The following LDLRAD4 variants were observed in gnomAD, a reference collection of about 807,000 sequenced individuals.
LDLRAD4 encodes low density lipoprotein receptor class A domain containing 4, also known as low-density lipoprotein receptor class A domain-containing protein 4.
LDLRAD4 carries 5 observed loss-of-function variants against 17.0 expected under a neutral mutation model. The observed-to-expected ratio is 0.29, with a 90% CI of 0.15 to 0.62. The LOEUF (loss-of-function observed/expected upper bound fraction) is 0.62, where lower values mean the gene tolerates loss of function less well. LDLRAD4 is among the 20% of genes least tolerant of loss of function. LDLRAD4 has a pLI of 0.84. For synonymous variants in LDLRAD4, 168 were observed against 171.8 expected (o/e 0.98, Z 0.17); for missense variants, 340 against 424.7 (o/e 0.80, Z 1.75).
At chr18:13,389,591 G>A (rs1287184335) in intron 2 of LDLRAD4, among the ~76,000 whole-genome samples, 1 of 152,202 alleles carries the variant, frequency 6.6e-6, no homozygotes, top group African/African-American at 2.4e-5. Flanking sequence ...GAGGAAAAGT[G>A]GCACACTCTT....
exon 6 of LDLRAD4, chr18:13,646,450 A>G (rs1331827453): frequency 6.6e-6 from 1 of 152,298 alleles, no homozygotes; most frequent in Non-Finnish European, 1.5e-5. Flanking sequence ...GTTTGCATCA[A>G]ATAGCAGTGC....
At chr18:13,344,700 C>T (rs1186708189) in intron 1 of LDLRAD4, among the ~76,000 whole-genome samples, 1 of 152,188 alleles carries the variant, frequency 6.6e-6, no homozygotes. Flanking sequence ...GATATTGATT[C>T]TTCTTACCCA....
At chr18:13,559,810 A>G (rs2094521801) in intron 3 of LDLRAD4, among the ~76,000 whole-genome samples, 1 of 152,182 alleles carries the variant, frequency 6.6e-6, no homozygotes, top group Non-Finnish European at 1.5e-5. Flanking sequence ...TCAGTTGCCC[A>G]TGGAGGAGTT....
At chr18:13,360,116 A>C (rs970061988) in intron 1 of LDLRAD4, among the ~76,000 whole-genome samples, 2 of 152,208 alleles carry the variant, frequency 1.3e-5, no homozygotes, top group African/African-American at 4.8e-5. Context: ...GAGTCTCCTG[A>C]GCGAGGGGCA....
intron 3 of LDLRAD4, among the ~76,000 whole-genome samples, chr18:13,546,137 G>A (rs941818442): frequency 1.3e-5 from 2 of 152,124 alleles, no homozygotes; most frequent in Admixed American, 1.3e-4. Context: ...GTCAACAACA[G>A]TTGAGGCAGG....
chr18:13,325,477 T>A (rs569968520), intron 1 of LDLRAD4, among the ~76,000 whole-genome samples: 1 of 152,120 alleles, frequency 6.6e-6, no homozygotes, highest in South Asian at 2.1e-4. Context: ...CACACACACC[T>A]CCCCTCGCTG....
At chr18:13,605,967 G>A (rs1302305207) in intron 3 of LDLRAD4, among the ~76,000 whole-genome samples, 1 of 152,188 alleles carries the variant, frequency 6.6e-6, no homozygotes, top group African/African-American at 2.4e-5. Flanking sequence ...CGGGGCTCAA[G>A]ATCGCATTTC....
At chr18:13,400,802 C>T (rs541310959) in intron 2 of LDLRAD4, among the ~76,000 whole-genome samples, 1 of 152,190 alleles carries the variant, frequency 6.6e-6, no homozygotes, top group East Asian at 1.9e-4. Flanking sequence ...TGAGGTGAGC[C>T]GCGGAGGCCC....
At chr18:13,534,867 T>C (rs1353825077) in intron 3 of LDLRAD4, among the ~76,000 whole-genome samples, 1 of 152,242 alleles carries the variant, frequency 6.6e-6, no homozygotes, top group South Asian at 2.1e-4. Context: ...CCAGGCCACC[T>C]CGGACCTGCT....
intron 1 of LDLRAD4, among the ~76,000 whole-genome samples, chr18:13,283,857 A>G (rs1170678495): frequency 1.3e-5 from 2 of 152,178 alleles, no homozygotes; most frequent in African/African-American, 4.8e-5. Context: ...ACAGTTCCAC[A>G]TGGCTGGGGA....
At chr18:13,586,887 A>C (rs970689222) in intron 3 of LDLRAD4, among the ~76,000 whole-genome samples, 6 of 152,054 alleles carry the variant, frequency 3.9e-5, no homozygotes, top group Admixed American at 1.3e-4. Flanking sequence ...AAGGAAAAAA[A>C]AATAGGGGGG....
chr18:13,258,547 G>C (rs2043629683), intron 1 of LDLRAD4, among the ~76,000 whole-genome samples: 1 of 152,124 alleles, frequency 6.6e-6, no homozygotes, highest in South Asian at 2.1e-4. Flanking sequence ...CAAATGTTTA[G>C]AGATGACAAG....
intron 1 of LDLRAD4, among the ~76,000 whole-genome samples, chr18:13,296,235 C>A (rs2046267514): frequency 6.6e-6 from 1 of 152,240 alleles, no homozygotes. Context: ...TCAGACCGGG[C>A]TGTGATTCTT....
At chr18:13,264,675 G>T (rs1356739199) in intron 1 of LDLRAD4, among the ~76,000 whole-genome samples, 2 of 152,250 alleles carry the variant, frequency 1.3e-5, no homozygotes, top group Non-Finnish European at 2.9e-5. Flanking sequence ...GCAAATGGCT[G>T]TTCTTTGGAC....
At chr18:13,276,165 C>T (rs1327443523), upstream of LDLRAD4, among the ~76,000 whole-genome samples, 2 of 152,052 alleles carry the variant, frequency 1.3e-5, no homozygotes, top group African/African-American at 2.4e-5. Context: ...TGCACCACCA[C>T]GCTCAGCTAA....
At chr18:13,316,741 T>C (rs1599355707) in intron 1 of LDLRAD4, among the ~76,000 whole-genome samples, 1 of 152,164 alleles carries the variant, frequency 6.6e-6, no homozygotes, top group African/African-American at 2.4e-5. Flanking sequence ...TTAGGACACA[T>C]GTTACAATCT....
chr18:13,515,811 T>C (rs1196940624), intron 3 of LDLRAD4: 1 of 152,196 alleles, frequency 6.6e-6, no homozygotes, highest in East Asian at 1.9e-4. Context: ...TTTGTTTCGT[T>C]TCATTTTGTT....
intron 1 of LDLRAD4, among the ~76,000 whole-genome samples, chr18:13,223,960 C>T (rs1567905055): frequency 6.6e-6 from 1 of 152,214 alleles, no homozygotes; most frequent in Non-Finnish European, 1.5e-5. Flanking sequence ...GATTCTTCAT[C>T]TGGGACCACT....
At position 13,281,380 on chromosome 18, in the gene LDLRAD4, TC is replaced by T. The variant is rs1400653807; in HGVS notation, c.-383+3194del. 3.3e-5 allele frequency among the ~76,000 whole-genome samples: 5 copies of T among 152,094 alleles called. No homozygotes were observed. The South Asian group carries it at 8.3e-4, about 25-fold the overall frequency. On this transcript the variant is annotated intron_variant, in intron 1 of 5. Transcript: ENST00000359446. ...CTCTAGCCTGGGCAGTACAGCGAGA[TC>T]CTGTCTCCAATCTCGCCCTCCACCC...
Sources: allele counts gnomAD v4.1 joint callset (sites outside exome capture counted in the v4.1 genomes callset), GRCh38; gene constraint gnomAD v4.1.1; transcripts MANE v1.5; gene names NCBI Gene and HGNC (gene_info 2026-07-23, HGNC 2026-07-21).